The following PSMC5 variants were observed in gnomAD, a reference collection of about 807,000 sequenced individuals.
PSMC5 encodes 26S proteasome regulatory subunit 8.
PSMC5 carries 11 observed loss-of-function variants against 49.1 expected under a neutral mutation model. The ratio of observed to expected loss-of-function variants is 0.22; its 90% CI spans 0.14 to 0.37. The LOEUF is 0.37. Among genes scored for constraint, PSMC5 ranks in the 10% least tolerant of loss-of-function variants. The pLI is 1.00. For missense variants in PSMC5, 229 were observed against 520.9 expected (o/e 0.44, Z 5.45); for synonymous variants, 206 against 192.2 (o/e 1.07, Z -0.59).
chr17:63,830,177 T>A lies in PSMC5; in HGVS notation c.309T>A (p.Ile103=). ...GKFVVDVDKN[I]DINDVTPNCR... ...TTGTTGTAGACGTGGACAAAAACAT[T>A]GACATCAATGATGTGAGTGTAGCAG... Residue 103 remains isoleucine, a synonymous_variant, in exon 5 of 12, where the codon ATT becomes ATA. Coordinates refer to ENST00000310144, the MANE Select transcript of PSMC5 (RefSeq NM_002805.6). The surrounding 1 kb of genome is among the most constrained non-coding windows in gnomAD (Gnocchi z 4.0). The A allele has an allele frequency of 6.2e-7, 1 of 1,614,168 alleles. No homozygotes were observed. The highest frequency in any genetic ancestry group is 8.5e-7 in the Non-Finnish European group (1 of 1,180,024).
chr17:63,830,653 T>C lies in PSMC5; in HGVS notation c.552+152T>C. On this transcript the variant is annotated intron_variant, in intron 6 of 11. Transcript: ENST00000310144. This position sits in a 1 kb window ranked among gnomAD's most constrained non-coding sequence, Gnocchi z 4.0. ...AAAAGAGTGGCTGGGGAAGTGTTCC[T>C]AGGGCGGTGAGGTGGTTTGGATAGA... 6.9e-7 allele frequency: 1 copy of C among 1,457,320 alleles called. No individual in the cohort carries two copies. 90.3% of individuals were successfully genotyped at this position (1,457,320 alleles called of 1,614,324 possible). A position where few individuals can be genotyped will look rare whatever the true frequency, so the allele number is the denominator to read the frequency against.
rs116638430 is a variant in PSMC5, at chr17:63,831,629, C to G, written c.1080+13C>G. 6.2e-7 allele frequency: 1 copy of G among 1,613,536 alleles called. No individual in the cohort carries two copies. Among genetic ancestry groups the G allele is most frequent in the Non-Finnish European group, 8.5e-7 (1 of 1,179,544 alleles). ...GGCTGAAGTGAAGGTAATTGGAGTA[C>G]CCACTGAAAACAGGGCAGAGGCAGG... On this transcript the variant is annotated intron_variant, in intron 10 of 11. Transcript: ENST00000310144. This position sits in a 1 kb window ranked among gnomAD's most constrained non-coding sequence, Gnocchi z 6.3.
At chr17:63,827,996 C>T (rs2144615198) in intron 1 of PSMC5, 142 bp from the exon 2 acceptor site, 1 of 1,294,874 alleles carries the variant, frequency 7.7e-7, no homozygotes, top group Non-Finnish European at 1.1e-6. Flanking sequence ...GGGATTAGAA[C>T]CCAGATCCTG....
chr17:63,831,446 A>G lies in PSMC5; in HGVS notation c.969+21A>G. 1 of 1,613,368 alleles carries G rather than the reference A, an allele frequency of 6.2e-7. No individual in the cohort carries two copies. Among genetic ancestry groups the G allele is most frequent in the Admixed American group, 1.7e-5 (1 of 60,018 alleles). On this transcript the variant is annotated intron_variant, in intron 9 of 11. Coordinates refer to ENST00000310144, the MANE Select transcript of PSMC5 (RefSeq NM_002805.6). This position sits in a 1 kb window ranked among gnomAD's most constrained non-coding sequence, Gnocchi z 6.3. ...AGGAGGTTTGTGATGGACACTGTGC[A>G]AAGTGGCTCTGGCTGTGGGGGTGGG...
At chr17:63,829,303 G>A (rs2040152137) in intron 2 of PSMC5, 191 bp from the exon 3 acceptor site, 1 of 576,748 alleles carries the variant, frequency 1.7e-6, no homozygotes, top group Admixed American at 3.1e-5. Flanking sequence ...TTTGATGGCT[G>A]CTGTAAGGTC....
Position 63,827,476 on chromosome 17 carries a change from T to C in PSMC5, c.-15T>C, listed in dbSNP as rs758540902. On this transcript the variant is annotated 5_prime_UTR_variant, in exon 1 of 12. Transcript: ENST00000310144. ...AGACGGCTCGGATGCCGGCGGTCTC[T>C]GCTGAAGAGAGAAGATGGCGCTTGA... 4 of 1,551,716 alleles carry C rather than the reference T, an allele frequency of 2.6e-6. No homozygotes were observed. The African/African-American group carries it at 4.1e-5, about 16-fold the overall frequency.
chr17:63,829,434 A>G (rs1217458905), intron 2 of PSMC5, 60 bp from the exon 3 acceptor site: 2 of 1,504,314 alleles, frequency 1.3e-6, no homozygotes, highest in Non-Finnish European at 1.8e-6. Context: ...CTTGGCCAAG[A>G]TCCTACCTCC....
rs1433496048 is a variant in PSMC5 at position 63,830,032 on chromosome 17, C to T, written c.264+83C>T. 1 of 1,563,460 alleles carries T rather than the reference C, an allele frequency of 6.4e-7. No homozygotes were observed. The highest frequency in any genetic ancestry group is 2.2e-5 in the East Asian group (1 of 44,584). On this transcript the variant is annotated intron_variant, in intron 4 of 11. Transcript: ENST00000310144. The surrounding 1 kb of genome is among the most constrained non-coding windows in gnomAD (Gnocchi z 4.0). ...GTGTGTAGCCTCGGGAGACAGGGTTCTGTGTTCTGTCAAGGTATTGTGGGA... is the reference window on the plus strand; with the variant it reads ...GTGTGTAGCCTCGGGAGACAGGGTTTTGTGTTCTGTCAAGGTATTGTGGGA...
chr17:63,830,553 C>G lies in PSMC5; in HGVS notation c.552+52C>G. On this transcript the variant is annotated intron_variant, in intron 6 of 11. Transcript: ENST00000310144. The surrounding 1 kb of genome is among the most constrained non-coding windows in gnomAD (Gnocchi z 4.0). ...GCCAAGCTGTACTTACTCCTCCTGC[C>G]CCAGCCAGCCCTACTGCAGGGGTTG... The G allele has an allele frequency of 6.3e-7, 1 of 1,593,016 alleles. No individual in the cohort carries two copies.
chr17:63,831,010 C>G lies in PSMC5; in HGVS notation c.680-26C>G. ...GAGAGCTAATAAGCTAATAAGCTCCCTAACACCAGCTCGGCCTCCACACAG... is the reference window on the plus strand; with the variant it reads ...GAGAGCTAATAAGCTAATAAGCTCCGTAACACCAGCTCGGCCTCCACACAG... On this transcript the variant is annotated intron_variant, in intron 7 of 11. Transcript: ENST00000310144. This position sits in a 1 kb window ranked among gnomAD's most constrained non-coding sequence, Gnocchi z 6.3. 2 of 1,598,190 alleles carry G rather than the reference C, an allele frequency of 1.3e-6. No individual in the cohort carries two copies. The highest frequency in any genetic ancestry group is 8.5e-7 in the Non-Finnish European group (1 of 1,170,454).
intron 1 of PSMC5, 179 bp downstream of exon 1, chr17:63,827,693 G>C (rs1432327013): frequency 8.9e-6 from 13 of 1,453,456 alleles, no homozygotes; most frequent in African/African-American, 2.8e-5. Flanking sequence ...CGGTGAGTCA[G>C]GGCAAGGCTG....
chr17:63,830,127 CT>C lies in PSMC5; in HGVS notation c.265-3del. 6.2e-7 allele frequency: 1 copy of C among 1,613,336 alleles called. No individual in the cohort carries two copies. Among genetic ancestry groups the C allele is most frequent in the South Asian group, 1.1e-5 (1 of 90,890 alleles). On this transcript the variant is annotated splice_region_variant and splice_polypyrimidine_tract_variant and intron_variant, in intron 4 of 11. Transcript: ENST00000310144. This position sits in a 1 kb window ranked among gnomAD's most constrained non-coding sequence, Gnocchi z 4.0. ...CAAGGAAGGTCATGAGCCCTTGTTTCTTTAGGTACATCCTGAAGGTAAATTT... is the reference window on the plus strand; with the variant it reads ...CAAGGAAGGTCATGAGCCCTTGTTTCTTAGGTACATCCTGAAGGTAAATTT...
At chr17:63,827,694 G>A in intron 1 of PSMC5, 180 bp downstream of exon 1, 1 of 1,453,406 alleles carries the variant, frequency 6.9e-7, no homozygotes, top group Non-Finnish European at 9.1e-7. Context: ...GGTGAGTCAG[G>A]GCAAGGCTGG....
At position 63,831,410 on chromosome 17, in the gene PSMC5, A is replaced by G; in HGVS notation, c.954A>G (p.Pro318=). The G allele has an allele frequency of 6.2e-7, 1 of 1,613,462 alleles. No individual in the cohort carries two copies. The highest frequency in any genetic ancestry group is 8.5e-7 in the Non-Finnish European group (1 of 1,179,834). ...GCATTGACAGAAAAATTGAATTCCC[A>G]CCCCCCAATGAGGAGGTTTGTGATG... ...PGRIDRKIEF[P]PPNEEARLDI... The change falls in exon 9 of 12, where the codon CCA becomes CCG. Residue 318 remains proline, a synonymous_variant. Coordinates refer to ENST00000310144, the MANE Select transcript of PSMC5 (RefSeq NM_002805.6). The surrounding 1 kb of genome is among the most constrained non-coding windows in gnomAD (Gnocchi z 6.3).
chr17:63,831,474 G>A lies in PSMC5; in HGVS notation c.970-32G>A, dbSNP rs2040186078. On this transcript the variant is annotated intron_variant, in intron 9 of 11. Coordinates refer to ENST00000310144, the MANE Select transcript of PSMC5 (RefSeq NM_002805.6). The surrounding 1 kb of genome is among the most constrained non-coding windows in gnomAD (Gnocchi z 6.3). ...GTGGCTCTGGCTGTGGGGGTGGGGT[G>A]TGGGGCTCAGGCTTTTCCTTGCCAT... The A allele has an allele frequency of 6.2e-7, 1 of 1,612,938 alleles. No individual in the cohort carries two copies. Among genetic ancestry groups the A allele is most frequent in the Non-Finnish European group, 8.5e-7 (1 of 1,179,000 alleles).
chr17:63,828,188 G>C lies in PSMC5; in HGVS notation c.75G>C (p.Leu25=), dbSNP rs772000824. 6.8e-6 allele frequency: 11 copies of C among 1,614,100 alleles called. No individual in the cohort carries two copies. Among genetic ancestry groups the C allele is most frequent in the Admixed American group, 3.3e-5 (2 of 60,024 alleles). Residue 25 remains leucine, a synonymous_variant, in exon 2 of 12, where the codon CTG becomes CTC. Transcript: ENST00000310144. ...KAGSGLRQYY[L]SKIEELQLIV... ...GCAGCGGACTCCGCCAATATTATCT[G>C]TCCAAGATTGAAGAACTCCAGGTGA...
At position 63,829,824 on chromosome 17, in the gene PSMC5, G is replaced by A. The variant is rs1047343173; in HGVS notation, c.167-28G>A. 5.6e-6 allele frequency: 9 copies of A among 1,609,292 alleles called. No individual in the cohort carries two copies. In the African/African-American group the frequency reaches 1.1e-4, roughly 19 times the overall value. ...CTGGAGACTCCAAAGGAGTAGCTAGGTGACCACTGTGTCTGTTTGCCATCT... is the reference window on the plus strand; with the variant it reads ...CTGGAGACTCCAAAGGAGTAGCTAGATGACCACTGTGTCTGTTTGCCATCT... On this transcript the variant is annotated intron_variant, in intron 3 of 11. Coordinates refer to ENST00000310144, the MANE Select transcript of PSMC5 (RefSeq NM_002805.6).
At position 63,831,464 on chromosome 17, in the gene PSMC5, G is replaced by C. The variant is rs774909370; in HGVS notation, c.969+39G>C. On this transcript the variant is annotated intron_variant, in intron 9 of 11. Coordinates refer to ENST00000310144, the MANE Select transcript of PSMC5 (RefSeq NM_002805.6). This position sits in a 1 kb window ranked among gnomAD's most constrained non-coding sequence, Gnocchi z 6.3. ...ACTGTGCAAAGTGGCTCTGGCTGTG[G>C]GGGTGGGGTGTGGGGCTCAGGCTTT... 1 of 1,612,722 alleles carries C rather than the reference G, an allele frequency of 6.2e-7. No homozygotes were observed. The highest frequency in any genetic ancestry group is 1.3e-5 in the African/African-American group (1 of 75,006).
rs1295888502 is a variant in PSMC5 at position 63,830,295 on chromosome 17, C to T, written c.346C>T (p.Leu116=). The change falls in exon 6 of 12, where the codon CTA becomes TTA. Residue 116 remains leucine, a synonymous_variant. Transcript: ENST00000310144. This position sits in a 1 kb window ranked among gnomAD's most constrained non-coding sequence, Gnocchi z 4.0. ...NDVTPNCRVA[L]RNDSYTLHKI... ...GGTGACACCCAATTGCCGGGTGGCT[C>T]TAAGGAATGACAGCTACACTCTGCA... 6 of 1,614,012 alleles carry T rather than the reference C, an allele frequency of 3.7e-6. No individual in the cohort carries two copies. The highest frequency in any genetic ancestry group is 1.1e-5 in the South Asian group (1 of 91,092).
Sources: gnomAD v4.1 joint callset for allele counts on GRCh38, gnomAD v4.1.1 for gene constraint, Gnocchi (gnomAD v3.1) non-coding constraint, MANE v1.5 for transcripts, NCBI Gene and HGNC (gene_info 2026-07-23, HGNC 2026-07-21) for gene names.